The following PARP8 variants were observed in gnomAD, a reference collection of about 807,000 sequenced individuals.
PARP8 encodes the protein protein mono-ADP-ribosyltransferase PARP8.
A neutral mutation model predicts 124.1 loss-of-function variants in PARP8; 51 were observed. The observed-to-expected ratio is 0.41, with a 90% CI of 0.33 to 0.52. The LOEUF is 0.52. Among genes scored for constraint, PARP8 ranks in the 20% least tolerant of loss-of-function variants. The probability of loss-of-function intolerance (pLI) is 0.21; values close to 1 mark genes in which losing one functional copy is unlikely to be tolerated. For synonymous variants in PARP8, 391 were observed against 361.5 expected, an observed-to-expected ratio of 1.08 and a Z score of -0.93; for missense variants, 860 against 1,018.9, an observed-to-expected ratio of 0.84 and a Z score of 2.12.
rs1349787643 is a variant in PARP8 at position 50,845,381 on chromosome 5, C to T, written c.*3313C>T. 1 of 151,704 alleles carries T rather than the reference C, an allele frequency of 6.6e-6. No individual in the cohort carries two copies. The highest frequency in any genetic ancestry group is 1.5e-5 in the Non-Finnish European group (1 of 67,766). The allele number at this position is 151,704 out of a possible 1,614,324, so 9.4% of individuals were successfully genotyped here. The stretch of plus-strand genomic sequence containing the variant: ...AAGGGGACACTCAACATTGGGTCAT[C>T]TACCGTCTAAATAAATACGGATTTC... On this transcript the variant is annotated 3_prime_UTR_variant, in exon 26 of 26. Coordinates refer to ENST00000281631, the MANE Select transcript of PARP8 (RefSeq NM_024615.4).
chr5:50,747,158 GTTTTGTTT>G (rs1758655193), intron 2 of PARP8, among the ~76,000 whole-genome samples: 2 of 82,220 alleles, frequency 2.4e-5, no homozygotes, highest in African/African-American at 9.6e-5. Flanking sequence ...TTGTTTGTTT[GTTTTGTTT>G]TTTTTTTTTT....
chr5:50,683,529 A>G (rs1312406860), intron 2 of PARP8, among the ~76,000 whole-genome samples: 2 of 152,214 alleles, frequency 1.3e-5, no homozygotes, highest in African/African-American at 4.8e-5. Flanking sequence ...TAAAATTCTC[A>G]TTATAATATG....
intron 2 of PARP8, among the ~76,000 whole-genome samples, chr5:50,680,295 T>C (rs2149444682): frequency 6.6e-6 from 1 of 152,224 alleles, no homozygotes; most frequent in South Asian, 2.1e-4. Context: ...TTATTTTATT[T>C]TTTTCCACAA....
chr5:50,831,248 T>A (rs1746937938), intron 22 of PARP8, among the ~76,000 whole-genome samples: 3 of 152,108 alleles, frequency 2.0e-5, no homozygotes, highest in African/African-American at 7.2e-5. Context: ...CACCTTAACC[T>A]TAGGGCAAAA....
chr5:50,743,134 G>A (rs1758221129), intron 2 of PARP8, among the ~76,000 whole-genome samples: 1 of 152,096 alleles, frequency 6.6e-6, no homozygotes, highest in Admixed American at 6.6e-5. Context: ...TGGAGATTTG[G>A]TGAGCTAGTG....
chr5:50,779,146 C>G (rs964283625), intron 9 of PARP8, among the ~76,000 whole-genome samples: 1 of 151,978 alleles, frequency 6.6e-6, no homozygotes, highest in African/African-American at 2.4e-5. Context: ...CCAAAATTTA[C>G]TTGGTAAAAT....
At chr5:50,669,685 G>A (rs1453190347) in intron 2 of PARP8, among the ~76,000 whole-genome samples, 1 of 152,218 alleles carries the variant, frequency 6.6e-6, no homozygotes, top group Non-Finnish European at 1.5e-5. Context: ...GGAAAAGGGA[G>A]CAAGGCCAGG....
intron 14 of PARP8, among the ~76,000 whole-genome samples, chr5:50,807,181 A>C (rs1376798584): frequency 6.6e-6 from 1 of 151,698 alleles, no homozygotes; most frequent in Non-Finnish European, 1.5e-5. Flanking sequence ...CTTTTATACT[A>C]TCTGTCACTC....
chr5:50,674,696 A>G (rs1750413480), intron 2 of PARP8, among the ~76,000 whole-genome samples: 2 of 152,054 alleles, frequency 1.3e-5, no homozygotes, highest in Admixed American at 6.5e-5. Context: ...TTGCTTAGTG[A>G]CCACCCCCCG....
rs1301784471 is a variant in PARP8 at position 50,845,081 on chromosome 5, T to C, written c.*3013T>C. On this transcript the variant is annotated 3_prime_UTR_variant, in exon 26 of 26. Coordinates refer to ENST00000281631, the MANE Select transcript of PARP8 (RefSeq NM_024615.4). ...TAGTATAAAAAACCAACCCAAGCTA[T>C]TGTTAATGCTCTGAATGTTTTTCTT... The C allele has an allele frequency of 6.6e-6, 1 of 151,514 alleles. No homozygotes were observed. The highest frequency in any genetic ancestry group is 1.9e-4 in the East Asian group (1 of 5,174). 9.4% of individuals were successfully genotyped at this position (151,514 alleles called of 1,614,324 possible). A position where few individuals can be genotyped will look rare whatever the true frequency, so the allele number is the denominator to read the frequency against.
intron 7 of PARP8, among the ~76,000 whole-genome samples, chr5:50,769,857 T>A (rs1183407375): frequency 6.6e-6 from 1 of 152,056 alleles, no homozygotes; most frequent in East Asian, 1.9e-4. Context: ...TTGTGCATTT[T>A]AAAATTTCCC....
rs181775255 is a variant in PARP8, at chr5:50,816,513, C to A, written c.1668+989C>A. 1.6e-4 allele frequency among the ~76,000 whole-genome samples: 25 copies of A among 152,288 alleles called. No individual in the cohort carries two copies. In the East Asian group the frequency reaches 3.7e-3, roughly 22 times the overall value. ...GTAGCCTAGAGCTTAGGAATGTACACACTCCTTGGCCTAGTCATTTTAATT... is the reference window on the plus strand; with the variant it reads ...GTAGCCTAGAGCTTAGGAATGTACAAACTCCTTGGCCTAGTCATTTTAATT... On this transcript the variant is annotated intron_variant, in intron 15 of 25. Transcript: ENST00000281631.
intron 2 of PARP8, among the ~76,000 whole-genome samples, chr5:50,707,463 T>C (rs1412155576): frequency 6.6e-6 from 1 of 152,112 alleles, no homozygotes; most frequent in Non-Finnish European, 1.5e-5. Flanking sequence ...ATAATCTTTT[T>C]CTCAAAAACA....
At chr5:50,730,600 G>C (rs371932916) in intron 2 of PARP8, among the ~76,000 whole-genome samples, 1 of 151,992 alleles carries the variant, frequency 6.6e-6, no homozygotes, top group African/African-American at 2.4e-5. Context: ...ATTTGGTTGC[G>C]GACACAGCCA....
At chr5:50,741,227 A>G (rs1758011463) in intron 2 of PARP8, among the ~76,000 whole-genome samples, 1 of 152,192 alleles carries the variant, frequency 6.6e-6, no homozygotes, top group Non-Finnish European at 1.5e-5. Context: ...TATGGAAATA[A>G]TATTTATATA....
At chr5:50,705,508 G>T (rs1942896900) in intron 2 of PARP8, among the ~76,000 whole-genome samples, 1 of 152,102 alleles carries the variant, frequency 6.6e-6, no homozygotes, top group South Asian at 2.1e-4. Flanking sequence ...AATTGATGGG[G>T]CCAGTGCGGT....
chr5:50,747,158 G>GTT lies in PARP8; in HGVS notation c.147-2990_147-2989dup, dbSNP rs1370932889. 4.8e-3 allele frequency among the ~76,000 whole-genome samples: 395 copies of GTT among 82,072 alleles called. 6 individuals are homozygous for GTT. Among genetic ancestry groups the GTT allele is most frequent in the African/African-American group, 0.01 (209 of 20,834 alleles). 53.8% of individuals were successfully genotyped at this position (82,072 alleles called of 152,430 possible). ...CAGTTATGGTTTTTTTTGTTTGTTT[G>GTT]TTTTGTTTTTTTTTTTTTTTTTGTC... On this transcript the variant is annotated intron_variant, in intron 2 of 25. Transcript: ENST00000281631.
In PARP8 at chr5:50,782,876, G is replaced by C. The variant is rs182971035; in HGVS notation, c.670+4226G>C. 1.4e-4 allele frequency among the ~76,000 whole-genome samples: 21 copies of C among 152,288 alleles called. No homozygotes were observed. The East Asian group carries it at 4.0e-3, about 29-fold the overall frequency. ...TTGGGAAGAAAAACAGGATGGTGAG[G>C]CTCATCAGAGAGTGGTAGGAGGAGA... On this transcript the variant is annotated intron_variant, in intron 9 of 25. Transcript: ENST00000281631.
At chr5:50,718,318 C>A (rs1054703470) in intron 2 of PARP8, among the ~76,000 whole-genome samples, 4 of 151,942 alleles carry the variant, frequency 2.6e-5, no homozygotes, top group African/African-American at 7.2e-5. Context: ...AACCTTATAA[C>A]TTCTTTCTAA....
Sources: allele counts gnomAD v4.1 joint callset (sites outside exome capture counted in the v4.1 genomes callset), GRCh38; gene constraint gnomAD v4.1.1; transcripts MANE v1.5; gene names NCBI Gene and HGNC (gene_info 2026-07-23, HGNC 2026-07-21).